Variants in ABRAXAS2 observed in about 807,000 individuals in gnomAD.
The protein encoded by ABRAXAS2 is BRISC complex subunit Abraxas 2.
Under a neutral mutation model 49.0 loss-of-function variants are expected in ABRAXAS2, and 23 were observed. That is an observed-to-expected ratio of 0.47 (90% CI 0.34 to 0.66). The LOEUF is 0.66. Among genes scored for constraint, ABRAXAS2 ranks in the 30% least tolerant of loss-of-function variants. The pLI, the probability that ABRAXAS2 is intolerant of heterozygous loss-of-function variation, is 0.01. For missense variants in ABRAXAS2, 443 were observed against 511.9 expected (o/e 0.87, Z 1.30); for synonymous variants, 168 against 180.2 (o/e 0.93, Z 0.54).
chr10:124,827,672 CAT>C (rs966022523), intron 5 of ABRAXAS2, among the ~76,000 whole-genome samples: 1 of 149,868 alleles, frequency 6.7e-6, no homozygotes, highest in African/African-American at 2.5e-5. Context: ...AATTTTGAAA[CAT>C]AAATTTCAAA....
intron 2 of ABRAXAS2, among the ~76,000 whole-genome samples, chr10:124,808,370 T>G (rs953977983): frequency 1.4e-4 from 21 of 151,722 alleles, no homozygotes; most frequent in South Asian, 1.3e-3. Flanking sequence ...TAGAGACGGG[T>G]TTTCACCGTG....
chr10:124,823,011 A>G (rs540156585), intron 4 of ABRAXAS2, among the ~76,000 whole-genome samples: 1 of 152,196 alleles, frequency 6.6e-6, no homozygotes, highest in Non-Finnish European at 1.5e-5. Flanking sequence ...TTTGTGCTAA[A>G]ACAAATGTTC....
intron 4 of ABRAXAS2, among the ~76,000 whole-genome samples, chr10:124,821,912 T>C (rs1257175241): frequency 6.6e-6 from 1 of 152,246 alleles, no homozygotes; most frequent in Non-Finnish European, 1.5e-5. Context: ...TTGAACTCTG[T>C]GTGGGGGCAT....
intron 2 of ABRAXAS2, among the ~76,000 whole-genome samples, chr10:124,813,056 C>G (rs1197928504): frequency 3.9e-5 from 6 of 152,088 alleles, no homozygotes; most frequent in Admixed American, 2.0e-4. Flanking sequence ...ACAAAATTAG[C>G]CAGGCGAGGT....
At chr10:124,814,053 A>T (rs1950807659) in intron 2 of ABRAXAS2, among the ~76,000 whole-genome samples, 2 of 150,974 alleles carry the variant, frequency 1.3e-5, no homozygotes, top group Admixed American at 6.6e-5. Flanking sequence ...GTGCAATGGC[A>T]CAATCTTGAC....
chr10:124,828,951 A>G (rs748575651), intron 6 of ABRAXAS2, 76 bp downstream of exon 6: 26 of 1,494,198 alleles, frequency 1.7e-5, no homozygotes, highest in African/African-American at 4.2e-5. Context: ...TAAAAGGTGT[A>G]TGGAAAAATG....
chr10:124,830,562 A>G (rs1950926067), intron 7 of ABRAXAS2, among the ~76,000 whole-genome samples: 1 of 152,230 alleles, frequency 6.6e-6, no homozygotes, highest in South Asian at 2.1e-4. Flanking sequence ...AGAAGCATGC[A>G]AGAGCCATTT....
chr10:124,819,802 A>G lies in ABRAXAS2; in HGVS notation c.267+352A>G, dbSNP rs11245377. 6.6e-5 allele frequency among the ~76,000 whole-genome samples: 10 copies of G among 151,856 alleles called. No individual in the cohort carries two copies. The South Asian group carries it at 2.1e-3, about 32-fold the overall frequency. The stretch of plus-strand genomic sequence containing the variant: ...TTAAAAAAAAAAGAAAAAAAAAAAA[A>G]GTTGAACACAGGTGTTTTTCCAAAA... On this transcript the variant is annotated intron_variant, in intron 4 of 8. Transcript: ENST00000298492.
rs749943353 is a variant in ABRAXAS2, at chr10:124,835,019, A to G, written c.*48A>G. On this transcript the variant is annotated 3_prime_UTR_variant, in exon 9 of 9. Coordinates refer to ENST00000298492, the MANE Select transcript of ABRAXAS2 (RefSeq NM_032182.4). The stretch of plus-strand genomic sequence containing the variant: ...CTAGCACTGTTTTTCTTCATTGCTT[A>G]CTGAGAGGGTTTTTGAGAACTTAAT... 1 of 1,426,774 alleles carries G rather than the reference A, an allele frequency of 7.0e-7. No homozygotes were observed. 88.4% of individuals were successfully genotyped at this position (1,426,774 alleles called of 1,614,324 possible).
rs1005709474 is a variant in ABRAXAS2, at chr10:124,810,072, AT to A, written c.163+3159del. Among the ~76,000 whole-genome samples, 94 of 152,022 alleles carry A rather than the reference AT, an allele frequency of 6.2e-4. 1 individual carries two copies. Among genetic ancestry groups the A allele is most frequent in the Middle Eastern group, 3.4e-3 (1 of 294 alleles). On this transcript the variant is annotated intron_variant, in intron 2 of 8. Coordinates refer to ENST00000298492, the MANE Select transcript of ABRAXAS2 (RefSeq NM_032182.4). ...CCAGCCATTATGATATTTTTTTGAA[AT>A]TTTTTTTAAGCTCATCAGCTAGTGT...
At chr10:124,830,824 TAG>T (rs1950928232) in intron 7 of ABRAXAS2, among the ~76,000 whole-genome samples, 1 of 152,240 alleles carries the variant, frequency 6.6e-6, no homozygotes, top group African/African-American at 2.4e-5. Context: ...CCAAATCACA[TAG>T]AGTGTTCTCA....
At chr10:124,806,640 G>C (rs1285230553) in intron 1 of ABRAXAS2, among the ~76,000 whole-genome samples, 191 bp from the exon 2 acceptor site, 1 of 152,020 alleles carries the variant, frequency 6.6e-6, no homozygotes, top group African/African-American at 2.4e-5. Context: ...TCCTTTTTTG[G>C]AACAATCCAA....
At chr10:124,824,382 A>G (rs1950883938) in intron 4 of ABRAXAS2, among the ~76,000 whole-genome samples, 2 of 152,114 alleles carry the variant, frequency 1.3e-5, no homozygotes, top group South Asian at 4.1e-4. Context: ...CTAAAAATGC[A>G]GCTGGTTGTG....
At chr10:124,811,743 A>C (rs2134161058) in intron 2 of ABRAXAS2, among the ~76,000 whole-genome samples, 1 of 152,282 alleles carries the variant, frequency 6.6e-6, no homozygotes, top group African/African-American at 2.4e-5. Flanking sequence ...GTCTCAAAAA[A>C]AAAGAAACAT....
intron 2 of ABRAXAS2, among the ~76,000 whole-genome samples, chr10:124,808,479 C>A (rs1440503884): frequency 6.6e-6 from 1 of 151,858 alleles, no homozygotes; most frequent in East Asian, 1.9e-4. Context: ...CCTGGCTATG[C>A]GGCAAACATT....
At chr10:124,828,684 TTA>T in intron 5 of ABRAXAS2, 70 bp from the exon 6 acceptor site, 1 of 1,459,986 alleles carries the variant, frequency 6.8e-7, no homozygotes, top group Non-Finnish European at 9.3e-7. Flanking sequence ...CTTTTTTTTT[TTA>T]GACTGTCAGT....
chr10:124,826,851 C>T (rs956190831), intron 5 of ABRAXAS2, 66 bp downstream of exon 5: 15 of 1,479,896 alleles, frequency 1.0e-5, no homozygotes, highest in African/African-American at 8.3e-5. Flanking sequence ...TGGTGGCTTA[C>T]GCCTGTAATC....
At chr10:124,812,386 C>T (rs1009036001) in intron 2 of ABRAXAS2, among the ~76,000 whole-genome samples, 8 of 152,140 alleles carry the variant, frequency 5.3e-5, no homozygotes, top group Non-Finnish European at 1.0e-4. Flanking sequence ...TGAGGTGGCT[C>T]ACACCTGTAA....
At chr10:124,828,904 T>C in intron 6 of ABRAXAS2, 29 bp downstream of exon 6, 1 of 1,604,364 alleles carries the variant, frequency 6.2e-7, no homozygotes, top group South Asian at 1.1e-5. Flanking sequence ...TGCTAGTTTT[T>C]TCTTTTGTCA....
Sources: gnomAD v4.1 joint callset for allele counts (sites outside exome capture counted in the v4.1 genomes callset) on GRCh38, gnomAD v4.1.1 for gene constraint, MANE v1.5 for transcripts, NCBI Gene and HGNC (gene_info 2026-07-23, HGNC 2026-07-21) for gene names.